ANKRD26: variants seen among roughly 807,000 people sequenced by gnomAD.
ANKRD26 encodes the protein ankyrin repeat domain 26, also known as ankyrin repeat domain-containing protein 26.
In ANKRD26, 141 loss-of-function variants were observed where a neutral mutation model predicts 208.7. That is an observed-to-expected ratio of 0.68 (90% CI 0.59 to 0.78). The LOEUF (loss-of-function observed/expected upper bound fraction) is 0.78, where lower values mean the gene tolerates loss of function less well. ANKRD26 is among the 30% of genes least tolerant of loss of function. The pLI is 0.00. For missense variants in ANKRD26, 1,889 were observed against 1,938.7 expected (o/e 0.97, Z 0.48); for synonymous variants, 636 against 660.4 (o/e 0.96, Z 0.57).
At chr10:27,002,730 G>T (rs560339577), downstream of ANKRD26, among the ~76,000 whole-genome samples, 5 of 152,318 alleles carry the variant, frequency 3.3e-5, no homozygotes, top group South Asian at 1.0e-3. Context: ...GTATGAAAGT[G>T]CTCCATGAGC....
the ANKRD26 span, among the ~76,000 whole-genome samples, chr10:26,955,608 C>T: frequency 2.0e-5 from 3 of 152,066 alleles, no homozygotes; most frequent in African/African-American, 4.8e-5. Flanking sequence ...ATTTCCTAGC[C>T]TCTTGAACAG....
intron 25 of ANKRD26, among the ~76,000 whole-genome samples, chr10:27,029,575 A>C (rs1416676918): frequency 6.6e-6 from 1 of 152,226 alleles, no homozygotes; most frequent in Non-Finnish European, 1.5e-5. Flanking sequence ...GGCCCTTTAC[A>C]GAAAAGTTTA....
Position 27,060,506 on chromosome 10 carries a change from T to C in ANKRD26, c.1491+6A>G, listed in dbSNP as rs779590205. On this transcript the variant is annotated splice_donor_region_variant and intron_variant, in intron 14 of 33. Coordinates refer to ENST00000376087, the MANE Select transcript of ANKRD26 (RefSeq NM_014915.3). ...TAATTCAAGATAAAAATATAAAACT[T>C]ATTACCTTCAAGTGAAGATATCTCT... 1 of 1,554,760 alleles carries C rather than the reference T, an allele frequency of 6.4e-7. No homozygotes were observed. Among genetic ancestry groups the C allele is most frequent in the South Asian group, 1.1e-5 (1 of 89,176 alleles).
At position 27,054,050 on chromosome 10, in the gene ANKRD26, G is replaced by C. The variant is rs569575174; in HGVS notation, c.1565-660C>G. On this transcript the variant is annotated intron_variant, in intron 15 of 33. Coordinates refer to ENST00000376087, the MANE Select transcript of ANKRD26 (RefSeq NM_014915.3). ...AAGACAGCTATGTGAAGTCTTCCTC[G>C]ATTAGAGCTATCTTCCCCCAGATAA... 3.3e-5 allele frequency among the ~76,000 whole-genome samples: 5 copies of C among 151,996 alleles called. 1 individual carries two copies. Among genetic ancestry groups the C allele is most frequent in the African/African-American group, 9.7e-5 (4 of 41,448 alleles).
intron 24 of ANKRD26, 53 bp from the exon 25 acceptor site, chr10:27,033,430 G>A (rs908624140): frequency 6.6e-6 from 10 of 1,523,138 alleles, no homozygotes; most frequent in East Asian, 4.8e-5. Flanking sequence ...ATTAAGTTAT[G>A]TTAAAAAATA....
At chr10:27,097,988 A>G (rs1467069732) in intron 1 of ANKRD26, among the ~76,000 whole-genome samples, 1 of 152,028 alleles carries the variant, frequency 6.6e-6, no homozygotes, top group East Asian at 1.9e-4. Flanking sequence ...TTATTGTCAT[A>G]AGGACACAAC....
downstream of ANKRD26, among the ~76,000 whole-genome samples, chr10:26,972,771 T>C (rs1312955617): frequency 1.3e-5 from 2 of 151,984 alleles, no homozygotes; most frequent in Non-Finnish European, 2.9e-5. Flanking sequence ...TTTGTATTTT[T>C]AGTAGAGACG....
intron 31 of ANKRD26, among the ~76,000 whole-genome samples, chr10:27,013,540 A>G (rs1419819424): frequency 6.6e-6 from 1 of 152,268 alleles, no homozygotes; most frequent in Non-Finnish European, 1.5e-5. Context: ...ATGTACAAAT[A>G]TATCAAAAAC....
downstream of ANKRD26, among the ~76,000 whole-genome samples, chr10:27,000,576 T>C (rs12416077): frequency 0.02 from 3,038 of 152,208 alleles, 156 homozygotes; most frequent in East Asian, 0.16. Context: ...CCAAGTTTAA[T>C]ACATAAAATA....
chr10:26,969,896 G>A (rs1025086856), downstream of ANKRD26, among the ~76,000 whole-genome samples: 9 of 150,626 alleles, frequency 6.0e-5, no homozygotes, highest in Non-Finnish European at 1.3e-4. Flanking sequence ...GTGCCGTGAT[G>A]CGATCTCGGC....
At chr10:27,047,178 G>A (rs971985235) in intron 17 of ANKRD26, among the ~76,000 whole-genome samples, 3 of 152,118 alleles carry the variant, frequency 2.0e-5, no homozygotes, top group African/African-American at 7.2e-5. Context: ...TTTAAATGAA[G>A]TTTTAAAAAT....
intron 20 of ANKRD26, 147 bp downstream of exon 20, chr10:27,043,278 TA>T: frequency 4.8e-6 from 4 of 842,032 alleles, no homozygotes; most frequent in Non-Finnish European, 7.6e-6. Flanking sequence ...ATATATCATA[TA>T]AAGAACTCTT....
chr10:26,984,035 G>A (rs1291738871), intron 3 of ANKRD26, among the ~76,000 whole-genome samples: 2 of 152,070 alleles, frequency 1.3e-5, no homozygotes, highest in African/African-American at 2.4e-5. Flanking sequence ...TTTATTTCAC[G>A]GGCTACAGCA....
intron 9 of ANKRD26, among the ~76,000 whole-genome samples, chr10:27,071,592 TAGTGTGTAGG>T (rs983469274): frequency 5.5e-4 from 84 of 152,044 alleles, no homozygotes; most frequent in African/African-American, 2.0e-3. Context: ...AAAGGCAAAA[TAGTGTGTAGG>T]GATTTGCGCT....
chr10:27,094,931 T>C (rs916730882), intron 1 of ANKRD26, among the ~76,000 whole-genome samples: 6 of 151,950 alleles, frequency 3.9e-5, no homozygotes, highest in Admixed American at 3.3e-4. Flanking sequence ...GCCCAGGAGG[T>C]TGAGGCTGTA....
At position 27,039,951 on chromosome 10, in the gene ANKRD26, C is replaced by G; in HGVS notation, c.2375+14G>C. 1 of 1,606,216 alleles carries G rather than the reference C, an allele frequency of 6.2e-7. No homozygotes were observed. Among genetic ancestry groups the G allele is most frequent in the South Asian group, 1.1e-5 (1 of 90,880 alleles). Reference sequence around the variant, plus strand: ...CAAATAGTTAAACATTTCTTTAAAACTAGGCTATCATACCTCAAAGAGCAC... The same window carrying G: ...CAAATAGTTAAACATTTCTTTAAAAGTAGGCTATCATACCTCAAAGAGCAC... On this transcript the variant is annotated intron_variant, in intron 21 of 33. Transcript: ENST00000376087.
chr10:27,057,381 A>G (rs1295971354), intron 15 of ANKRD26, among the ~76,000 whole-genome samples: 2 of 152,088 alleles, frequency 1.3e-5, no homozygotes, highest in African/African-American at 2.4e-5. Context: ...TTTGTTTTCC[A>G]TAAGAGATTT....
chr10:27,022,880 A>T (rs948019024), intron 28 of ANKRD26, among the ~76,000 whole-genome samples, 193 bp from the exon 29 acceptor site: 5 of 152,254 alleles, frequency 3.3e-5, no homozygotes, highest in African/African-American at 1.2e-4. Flanking sequence ...AAGAAAAATT[A>T]TATGACATAT....
chr10:26,964,206 G>A, the ANKRD26 span, among the ~76,000 whole-genome samples: 2 of 152,022 alleles, frequency 1.3e-5, no homozygotes, highest in Non-Finnish European at 2.9e-5. Context: ...ACCATGCCTG[G>A]CCTGTTGTAT....
Sources: allele counts gnomAD v4.1 joint callset (sites outside exome capture counted in the v4.1 genomes callset), GRCh38; gene constraint gnomAD v4.1.1; transcripts MANE v1.5; gene names NCBI Gene and HGNC (gene_info 2026-07-23, HGNC 2026-07-21).